TSEN2: variants seen among roughly 807,000 people sequenced by gnomAD.
TSEN2 encodes the protein tRNA-splicing endonuclease subunit Sen2.
Under a neutral mutation model 59.2 loss-of-function variants are expected in TSEN2, and 54 were observed. The ratio of observed to expected loss-of-function variants is 0.91; its 90% CI spans 0.73 to 1.14. The LOEUF (loss-of-function observed/expected upper bound fraction) is 1.14, where lower values mean the gene tolerates loss of function less well. Ranked by LOEUF, TSEN2 falls within the 50% of genes most tolerant of loss-of-function variation. The pLI is 0.00. For missense variants in TSEN2, 636 were observed against 576.2 expected (o/e 1.10, Z -1.06); for synonymous variants, 195 against 198.2 (o/e 0.98, Z 0.14).
upstream of TSEN2, among the ~76,000 whole-genome samples, chr3:12,483,439 G>A (rs1437256899): frequency 6.6e-6 from 1 of 152,202 alleles, no homozygotes; most frequent in Admixed American, 6.5e-5. Context: ...CCAGACTACT[G>A]CAGAGCACAG....
intron 11 of TSEN2, 128 bp downstream of exon 11, chr3:12,531,787 C>A: frequency 1.4e-6 from 1 of 699,016 alleles, no homozygotes; most frequent in Non-Finnish European, 2.6e-6. Flanking sequence ...CTCAGGCAGG[C>A]TCTTAAGTCT....
chr3:12,484,063 C>T (rs142992647), upstream of TSEN2, among the ~76,000 whole-genome samples: 225 of 152,348 alleles, frequency 1.5e-3, no homozygotes, highest in Non-Finnish European at 2.6e-3. Flanking sequence ...GCAGCGTACA[C>T]AGGTGCGCTG....
chr3:12,495,703 C>G (rs1251840345), intron 3 of TSEN2, among the ~76,000 whole-genome samples: 1 of 152,190 alleles, frequency 6.6e-6, no homozygotes, highest in African/African-American at 2.4e-5. Context: ...GCTCACTTTC[C>G]TGTGGGGTTA....
Position 12,520,691 on chromosome 3 carries a change from G to A in TSEN2, c.1099+1494G>A, listed in dbSNP as rs866965786. On this transcript the variant is annotated intron_variant, in intron 8 of 11. Transcript: ENST00000284995. ...TGTAATCCCAGCTATTTGGGAGGCT[G>A]AGGCAGGAAAATTGCTTGATCCCGG... is the stretch of plus-strand genomic sequence containing the variant. Among the ~76,000 whole-genome samples, 33 of 152,118 alleles carry A rather than the reference G, an allele frequency of 2.2e-4. No individual in the cohort carries two copies. In the Middle Eastern group the frequency reaches 0.01, roughly 47 times the overall value.
chr3:12,513,715 T>G (rs1214815757), intron 6 of TSEN2, among the ~76,000 whole-genome samples: 2 of 152,214 alleles, frequency 1.3e-5, no homozygotes, highest in African/African-American at 4.8e-5. Flanking sequence ...GGAAACAACT[T>G]TATCTTTTCC....
chr3:12,531,299 C>G, intron 10 of TSEN2: 1 of 404,138 alleles, frequency 2.5e-6, no homozygotes, highest in African/African-American at 2.0e-5. Flanking sequence ...CATTTGAGGA[C>G]TTACTATATT....
At chr3:12,501,773 G>A (rs1339820440) in intron 4 of TSEN2, among the ~76,000 whole-genome samples, 1 of 152,204 alleles carries the variant, frequency 6.6e-6, no homozygotes. Context: ...CACAAGCCAC[G>A]TGTTGTCTTG....
intron 6 of TSEN2, 198 bp downstream of exon 6, chr3:12,505,429 T>C (rs2054707661): frequency 7.0e-6 from 4 of 570,574 alleles, no homozygotes; most frequent in East Asian, 5.9e-5. Flanking sequence ...TTCTAAGATA[T>C]GTGTTTGCAA....
At chr3:12,539,532 C>G (rs2057761964) in exon 11 of TSEN2, 2 of 167,170 alleles carry the variant, frequency 1.2e-5, no homozygotes, top group African/African-American at 4.8e-5. Context: ...TCCCCACTTT[C>G]TGTATGCACA....
rs2053779874 is a variant in TSEN2, at chr3:12,496,668, G to A, written c.308+114G>A. On this transcript the variant is annotated intron_variant, in intron 4 of 11. Coordinates refer to ENST00000284995, the MANE Select transcript of TSEN2 (RefSeq NM_025265.4). ...CACACCTTTTTTTCTTTCTGTTTTT[G>A]GTAGTAGATGTATCCTTGAAAATTA... The A allele has an allele frequency of 2.9e-6, 3 of 1,022,012 alleles. No homozygotes were observed. The South Asian group carries it at 4.1e-5, about 14-fold the overall frequency. 63.3% of individuals were successfully genotyped at this position (1,022,012 alleles called of 1,614,324 possible). A position where few individuals can be genotyped will look rare whatever the true frequency, so the allele number is the denominator to read the frequency against.
intron 6 of TSEN2, among the ~76,000 whole-genome samples, chr3:12,516,291 C>T (rs1490461664): frequency 1.3e-5 from 2 of 151,866 alleles, no homozygotes; most frequent in Non-Finnish European, 2.9e-5. Context: ...CCGGGCGTGG[C>T]GGCGGGCGCC....
intron 3 of TSEN2, among the ~76,000 whole-genome samples, chr3:12,494,105 T>A (rs2053504434): frequency 6.6e-6 from 1 of 152,216 alleles, no homozygotes; most frequent in Non-Finnish European, 1.5e-5. Context: ...TTCTAGGAAT[T>A]TATCTTAACA....
upstream of TSEN2, among the ~76,000 whole-genome samples, chr3:12,484,029 G>A (rs2052333316): frequency 1.3e-5 from 2 of 152,184 alleles, no homozygotes; most frequent in Admixed American, 1.3e-4. Flanking sequence ...CAGAGAAAAC[G>A]TCCTTGCAAG....
chr3:12,490,058 C>A, intron 2 of TSEN2, 69 bp downstream of exon 2: 1 of 1,380,916 alleles, frequency 7.2e-7, no homozygotes, highest in Non-Finnish European at 1.0e-6. Flanking sequence ...TCCTTCTCCC[C>A]ATCCCAGCCA....
At position 12,533,202 on chromosome 3, in the gene TSEN2, G is replaced by A. The variant is rs2057571037; in HGVS notation, c.*481G>A. On this transcript the variant is annotated 3_prime_UTR_variant, in exon 12 of 12. Transcript: ENST00000284995. ...AACAGTATTGTACAATATTCGATAAGCATATCTTCACTGCACTTGTTATAA... is the reference window on the plus strand; with the variant it reads ...AACAGTATTGTACAATATTCGATAAACATATCTTCACTGCACTTGTTATAA... 6.0e-6 allele frequency: 1 copy of A among 167,612 alleles called. No individual in the cohort carries two copies. Among genetic ancestry groups the A allele is most frequent in the South Asian group, 1.5e-4 (1 of 6,516 alleles). The allele number at this position is 167,612 out of a possible 1,614,324, so 10.4% of individuals were successfully genotyped here. A position where few individuals can be genotyped will look rare whatever the true frequency, so the allele number is the denominator to read the frequency against.
At chr3:12,522,463 A>C (rs560694539) in intron 8 of TSEN2, among the ~76,000 whole-genome samples, 1 of 152,222 alleles carries the variant, frequency 6.6e-6, no homozygotes, top group East Asian at 1.9e-4. Flanking sequence ...AAGTGTCTTC[A>C]CATTCTCTGC....
intron 4 of TSEN2, 81 bp downstream of exon 4, chr3:12,496,635 G>A: frequency 1.4e-6 from 2 of 1,400,690 alleles, no homozygotes; most frequent in Non-Finnish European, 2.0e-6. Flanking sequence ...CCATGTAGCA[G>A]TCCAGTCCAC....
intron 6 of TSEN2, among the ~76,000 whole-genome samples, chr3:12,512,725 A>C (rs189829919): frequency 2.8e-4 from 43 of 152,372 alleles, no homozygotes; most frequent in Non-Finnish European, 5.6e-4. Flanking sequence ...GCTTTTAGCC[A>C]GTGACATTTT....
intron 7 of TSEN2, 65 bp downstream of exon 7, chr3:12,516,726 A>C (rs964187547): frequency 7.3e-7 from 1 of 1,367,382 alleles, no homozygotes; most frequent in African/African-American, 1.4e-5. Context: ...AGGTTGTACT[A>C]ATTTCTATAT....
Sources: gnomAD v4.1 joint callset for allele counts (sites outside exome capture counted in the v4.1 genomes callset) on GRCh38, gnomAD v4.1.1 for gene constraint, MANE v1.5 for transcripts, NCBI Gene and HGNC (gene_info 2026-07-23, HGNC 2026-07-21) for gene names.